The following GALNT18 variants were observed in gnomAD, a reference collection of about 807,000 sequenced individuals.
GALNT18 encodes the protein polypeptide N-acetylgalactosaminyltransferase 18.
Under a neutral mutation model 69.5 loss-of-function variants are expected in GALNT18, and 44 were observed. That is an observed-to-expected ratio of 0.63 (90% CI 0.50 to 0.81). The LOEUF is 0.81. Ranked by LOEUF, GALNT18 falls within the 40% of genes least tolerant of loss-of-function variation. GALNT18 has a pLI of 0.00. For missense variants in GALNT18, 715 were observed against 810.0 expected, an observed-to-expected ratio of 0.88 and a Z score of 1.42; for synonymous variants, 364 against 318.2, an observed-to-expected ratio of 1.14 and a Z score of -1.53.
rs1427487179 is a variant in GALNT18 at position 11,541,951 on chromosome 11, G to C, written c.235+79408C>G. 2.0e-5 allele frequency among the ~76,000 whole-genome samples: 3 copies of C among 152,056 alleles called. No homozygotes were observed. The highest frequency in any genetic ancestry group is 7.2e-5 in the African/African-American group (3 of 41,386). On this transcript the variant is annotated intron_variant, in intron 1 of 10. Coordinates refer to ENST00000227756, the MANE Select transcript of GALNT18 (RefSeq NM_198516.3). The surrounding 1 kb of genome is among the most constrained non-coding windows in gnomAD (Gnocchi z 4.8). ...GAGAATCACAGGCAAGGCAACTATA[G>C]ACACGAGCCAAACCCAGGAGGAGCT...
At position 11,339,651 on chromosome 11, in the gene GALNT18, C is replaced by T. The variant is rs544080594; in HGVS notation, c.1278+1168G>A. Among the ~76,000 whole-genome samples, 49 of 152,270 alleles carry T rather than the reference C, an allele frequency of 3.2e-4. No individual in the cohort carries two copies. Among genetic ancestry groups the T allele is most frequent in the Non-Finnish European group, 6.0e-4 (41 of 68,016 alleles). On this transcript the variant is annotated intron_variant, in intron 7 of 10. Coordinates refer to ENST00000227756, the MANE Select transcript of GALNT18 (RefSeq NM_198516.3). The surrounding 1 kb of genome is among the most constrained non-coding windows in gnomAD (Gnocchi z 5.2). ...ACTCTTACTGTCAGGAATGCAATCCCGGGCTGGTACATTAGAGTTGGCTGC... is the reference window on the plus strand; with the variant it reads ...ACTCTTACTGTCAGGAATGCAATCCTGGGCTGGTACATTAGAGTTGGCTGC...
At chr11:11,385,296 A>AC (rs771860360) in intron 3 of GALNT18, among the ~76,000 whole-genome samples, 5 of 113,208 alleles carry the variant, frequency 4.4e-5, no homozygotes, top group African/African-American at 1.4e-4. Flanking sequence ...ATTGGGGATC[A>AC]AATTTTTTTT....
At chr11:11,290,048 G>A (rs1446692182) in intron 10 of GALNT18, among the ~76,000 whole-genome samples, 1 of 151,898 alleles carries the variant, frequency 6.6e-6, no homozygotes. Flanking sequence ...GCCTCCAGGG[G>A]CTACTCCAAG....
chr11:11,533,812 T>C (rs965556746), intron 1 of GALNT18, among the ~76,000 whole-genome samples: 9 of 152,240 alleles, frequency 5.9e-5, no homozygotes, highest in African/African-American at 2.2e-4. Flanking sequence ...TCCGAGTAGA[T>C]GCCTCGTTTC....
At chr11:11,276,858 A>T (rs1299105154) in intron 10 of GALNT18, among the ~76,000 whole-genome samples, 1 of 152,156 alleles carries the variant, frequency 6.6e-6, no homozygotes, top group African/African-American at 2.4e-5. Flanking sequence ...CCAGGGATGA[A>T]GCTGACTTGA....
chr11:11,554,700 T>A (rs535210634), intron 1 of GALNT18, among the ~76,000 whole-genome samples: 1 of 152,296 alleles, frequency 6.6e-6, no homozygotes, highest in East Asian at 1.9e-4. Context: ...GAACATCTTT[T>A]GGGAACTGAT....
chr11:11,535,452 A>G (rs1423092312), intron 1 of GALNT18, among the ~76,000 whole-genome samples: 5 of 152,126 alleles, frequency 3.3e-5, no homozygotes, highest in Non-Finnish European at 7.4e-5. Context: ...AATAGATGCA[A>G]CCTCCAGTAT....
intron 10 of GALNT18, among the ~76,000 whole-genome samples, chr11:11,285,690 CTT>C (rs1849179457): frequency 6.6e-6 from 1 of 152,196 alleles, no homozygotes; most frequent in South Asian, 2.1e-4. Flanking sequence ...CGATTATTGT[CTT>C]TTCAACACAA....
chr11:11,491,891 A>G (rs528969756), intron 1 of GALNT18, among the ~76,000 whole-genome samples: 27 of 152,340 alleles, frequency 1.8e-4, no homozygotes, highest in South Asian at 8.3e-4. Flanking sequence ...GCAGAGCCCA[A>G]GGAACAAAGA....
chr11:11,354,754 C>A (rs761543842), intron 6 of GALNT18, among the ~76,000 whole-genome samples: 16 of 152,156 alleles, frequency 1.1e-4, no homozygotes, highest in Non-Finnish European at 1.3e-4. Flanking sequence ...TACCCAAGTG[C>A]CTACGTCTCA....
chr11:11,409,461 G>A (rs997809159), intron 3 of GALNT18, among the ~76,000 whole-genome samples: 1 of 152,076 alleles, frequency 6.6e-6, no homozygotes, highest in African/African-American at 2.4e-5. Flanking sequence ...CACAGTCCTG[G>A]GACTCGTCAG....
At chr11:11,575,016 T>C (rs937192594) in intron 1 of GALNT18, among the ~76,000 whole-genome samples, 1 of 152,246 alleles carries the variant, frequency 6.6e-6, no homozygotes, top group African/African-American at 2.4e-5. Context: ...AGCATGTGCC[T>C]GGCTGAGTAC....
At chr11:11,487,670 A>T (rs1310023260) in intron 1 of GALNT18, among the ~76,000 whole-genome samples, 1 of 152,184 alleles carries the variant, frequency 6.6e-6, no homozygotes, top group Non-Finnish European at 1.5e-5. Context: ...TTCTAATAAG[A>T]ACAGTGGCAG....
intron 1 of GALNT18, among the ~76,000 whole-genome samples, chr11:11,515,391 G>T (rs893728890): frequency 6.6e-6 from 1 of 152,142 alleles, no homozygotes; most frequent in Non-Finnish European, 1.5e-5. Flanking sequence ...TACACCCTAG[G>T]TCACACACCT....
intron 1 of GALNT18, among the ~76,000 whole-genome samples, chr11:11,611,372 A>T (rs1235905502): frequency 6.6e-6 from 1 of 152,230 alleles, no homozygotes; most frequent in African/African-American, 2.4e-5. Flanking sequence ...GAGAGGAGGC[A>T]GCCTGTGTGG....
In GALNT18 at chr11:11,307,106, C is replaced by A. The variant is rs113864959; in HGVS notation, c.1513-13913G>T. ...AGCAGTTGACCACAGATGCCTGAGT[C>A]AGCCCAGCTGAGACTAGCAGAAGAT... On this transcript the variant is annotated intron_variant, in intron 9 of 10. Coordinates refer to ENST00000227756, the MANE Select transcript of GALNT18 (RefSeq NM_198516.3). 9.3e-4 allele frequency among the ~76,000 whole-genome samples: 142 copies of A among 152,218 alleles called. 1 individual carries two copies. The highest frequency in any genetic ancestry group is 3.0e-3 in the African/African-American group (125 of 41,544).
intron 8 of GALNT18, among the ~76,000 whole-genome samples, chr11:11,328,237 A>G (rs1382433338): frequency 1.3e-5 from 2 of 152,100 alleles, no homozygotes; most frequent in African/African-American, 4.8e-5. Flanking sequence ...GTCCAGCTGC[A>G]TTTCACTTCC....
intron 10 of GALNT18, among the ~76,000 whole-genome samples, chr11:11,284,567 T>A (rs529101674): frequency 6.6e-6 from 1 of 152,234 alleles, no homozygotes; most frequent in Non-Finnish European, 1.5e-5. Context: ...AAGCTCAGGC[T>A]GGTCTTACTT....
chr11:11,547,446 A>C (rs952849317), intron 1 of GALNT18, among the ~76,000 whole-genome samples: 1 of 152,220 alleles, frequency 6.6e-6, no homozygotes, highest in Non-Finnish European at 1.5e-5. Flanking sequence ...GGCTTTCTTC[A>C]GCATGGTCTG....
Sources: allele counts gnomAD v4.1 joint callset (sites outside exome capture counted in the v4.1 genomes callset), GRCh38; gene constraint gnomAD v4.1.1; non-coding constraint Gnocchi (gnomAD v3.1); transcripts MANE v1.5; gene names NCBI Gene and HGNC (gene_info 2026-07-23, HGNC 2026-07-21).